Variants in SLC26A7 observed in about 807,000 individuals in gnomAD.
SLC26A7 encodes anion exchange transporter.
A neutral mutation model predicts 82.5 loss-of-function variants in SLC26A7; 59 were observed. That is an observed-to-expected ratio of 0.72 (90% CI 0.58 to 0.89). SLC26A7 has a LOEUF of 0.89. SLC26A7 is among the 40% of genes least tolerant of loss of function. SLC26A7 has a pLI of 0.00. For missense variants in SLC26A7, 820 were observed against 793.0 expected (o/e 1.03, Z -0.41); for synonymous variants, 271 against 274.3 (o/e 0.99, Z 0.12).
chr8:91,355,890 A>G (rs578098397), intron 11 of SLC26A7, among the ~76,000 whole-genome samples: 58 of 151,760 alleles, frequency 3.8e-4, no homozygotes, highest in African/African-American at 1.4e-3. Flanking sequence ...CCCCAACCCC[A>G]GAACAGTCCC....
intron 2 of SLC26A7, among the ~76,000 whole-genome samples, chr8:91,284,585 G>T (rs772613815): frequency 1.3e-5 from 2 of 152,152 alleles, no homozygotes; most frequent in Admixed American, 6.5e-5. Flanking sequence ...TGAGTCCTGA[G>T]AATATTGCCT....
Position 91,266,893 on chromosome 8 carries a change from T to C in SLC26A7, c.193+17049T>C, listed in dbSNP as rs528518829. ...GTGGGCCTGTGATATATGGCCTTTA[T>C]TGTGTTGAGGTATATTCCTTCCATA... On this transcript the variant is annotated intron_variant, in intron 2 of 18. Transcript: ENST00000276609. Among the ~76,000 whole-genome samples the C allele has an allele frequency of 3.3e-5, 5 of 152,140 alleles. No homozygotes were observed. In the South Asian group the frequency reaches 1.0e-3, roughly 31 times the overall value.
chr8:91,214,742 T>C (rs1256252720), intron 1 of SLC26A7, among the ~76,000 whole-genome samples: 1 of 152,172 alleles, frequency 6.6e-6, no homozygotes, highest in African/African-American at 2.4e-5. Context: ...TGGAACATGA[T>C]AACAGTATTA....
rs111687838 is a variant in SLC26A7, at chr8:91,317,594, A to G, written c.478-622A>G. Among the ~76,000 whole-genome samples the G allele has an allele frequency of 1.3e-3, 203 of 152,302 alleles. 2 individuals carry two copies. Among genetic ancestry groups the G allele is most frequent in the African/African-American group, 4.8e-3 (200 of 41,564 alleles). On this transcript the variant is annotated intron_variant, in intron 4 of 18. Transcript: ENST00000276609. ...GGCATAAATGGGTTACTTCTTGACC[A>G]AGTATCTGGTCAAAGAGTATGTTCC...
intron 15 of SLC26A7, among the ~76,000 whole-genome samples, chr8:91,379,035 A>T (rs1026576060): frequency 2.0e-5 from 3 of 152,026 alleles, no homozygotes; most frequent in African/African-American, 7.2e-5. Flanking sequence ...GAGAAAATAC[A>T]TAAAAGCTAC....
At chr8:91,274,900 A>G (rs10109212) in intron 2 of SLC26A7, among the ~76,000 whole-genome samples, 16,808 of 152,246 alleles carry the variant, frequency 0.11, 1,105 homozygotes, top group Middle Eastern at 0.21. Flanking sequence ...GACAAATTCT[A>G]GACATCTTTT....
chr8:91,287,234 T>C (rs899929787), intron 2 of SLC26A7, among the ~76,000 whole-genome samples: 1 of 152,234 alleles, frequency 6.6e-6, no homozygotes, highest in African/African-American at 2.4e-5. Context: ...TTTTACTTGA[T>C]TATTCCCACT....
chr8:91,256,871 G>A (rs1271489846), intron 2 of SLC26A7, among the ~76,000 whole-genome samples: 2 of 152,080 alleles, frequency 1.3e-5, no homozygotes, highest in Non-Finnish European at 2.9e-5. Context: ...AACATTAGGT[G>A]AATTGGCCCA....
At chr8:91,317,225 C>T (rs1195353638) in intron 4 of SLC26A7, among the ~76,000 whole-genome samples, 1 of 151,746 alleles carries the variant, frequency 6.6e-6, no homozygotes, top group African/African-American at 2.4e-5. Flanking sequence ...CACCTTTTGC[C>T]CAGCAGAGTT....
chr8:91,227,524 T>C (rs1213172344), intron 2 of SLC26A7, among the ~76,000 whole-genome samples: 1 of 152,208 alleles, frequency 6.6e-6, no homozygotes, highest in African/African-American at 2.4e-5. Context: ...GTGTATCTTA[T>C]TTGTAAATGC....
intron 2 of SLC26A7, among the ~76,000 whole-genome samples, chr8:91,276,164 C>CT (rs937230602): frequency 4.0e-5 from 6 of 151,128 alleles, no homozygotes; most frequent in African/African-American, 7.3e-5. Context: ...GGGATTACTT[C>CT]TTTTTTTTTC....
intron 4 of SLC26A7, among the ~76,000 whole-genome samples, chr8:91,317,002 A>G (rs1026302194): frequency 1.3e-4 from 18 of 140,032 alleles, no homozygotes; most frequent in African/African-American, 5.3e-4. Context: ...AAAAAAAAAA[A>G]AAAAAAAAAA....
intron 15 of SLC26A7, among the ~76,000 whole-genome samples, chr8:91,383,681 C>T (rs1309570189): frequency 6.6e-6 from 1 of 152,134 alleles, no homozygotes; most frequent in African/African-American, 2.4e-5. Flanking sequence ...TAGTTTGAGT[C>T]TCCAAAACAC....
chr8:91,261,825 G>C (rs1380239482), intron 2 of SLC26A7, among the ~76,000 whole-genome samples: 2 of 152,056 alleles, frequency 1.3e-5, no homozygotes, highest in Non-Finnish European at 2.9e-5. Flanking sequence ...GTTTTGACCT[G>C]ATATCCAAGA....
chr8:91,373,931 A>G (rs1049139730), intron 15 of SLC26A7, among the ~76,000 whole-genome samples: 2 of 151,882 alleles, frequency 1.3e-5, no homozygotes, highest in South Asian at 2.1e-4. Context: ...TAGGATTTCA[A>G]TGTCTTCCTG....
intron 4 of SLC26A7, among the ~76,000 whole-genome samples, chr8:91,303,622 TATG>T (rs373639078): frequency 1.1e-3 from 170 of 152,350 alleles, no homozygotes; most frequent in African/African-American, 3.7e-3. Context: ...AGCCTTGTAT[TATG>T]ATACTAGTGC....
chr8:91,242,063 T>C lies in SLC26A7; in HGVS notation c.-33-7556T>C, dbSNP rs78027833. ...GGCTGTATGGAGTATTTTAGCCATT[T>C]TTCTTCTGAGTAACACAATAGTTTT... is the stretch of plus-strand genomic sequence containing the variant. On this transcript the variant is annotated intron_variant, in intron 2 of 5. Transcript: ENST00000522862. 8.5e-3 allele frequency among the ~76,000 whole-genome samples: 1,300 copies of C among 152,342 alleles called. 25 individuals carry two copies. Among genetic ancestry groups the C allele is most frequent in the African/African-American group, 0.03 (1,262 of 41,576 alleles).
chr8:91,243,303 A>G (rs1810498600), intron 2 of SLC26A7, among the ~76,000 whole-genome samples: 1 of 152,212 alleles, frequency 6.6e-6, no homozygotes, highest in Non-Finnish European at 1.5e-5. Context: ...ATAACCTGAT[A>G]CAATATATAA....
intron 16 of SLC26A7, among the ~76,000 whole-genome samples, chr8:91,391,787 T>C (rs1453515997): frequency 6.6e-6 from 1 of 151,872 alleles, no homozygotes; most frequent in Admixed American, 6.6e-5. Flanking sequence ...GGATCCTATT[T>C]TGAGAAACAC....
Sources: gnomAD v4.1 joint callset for allele counts (sites outside exome capture counted in the v4.1 genomes callset) on GRCh38, gnomAD v4.1.1 for gene constraint, MANE v1.5 for transcripts, NCBI Gene and HGNC (gene_info 2026-07-23, HGNC 2026-07-21) for gene names.